Variants in KCNN2 observed in about 807,000 individuals in gnomAD.
The protein encoded by KCNN2 is potassium calcium-activated channel subfamily N member 2.
Under a neutral mutation model 55.5 loss-of-function variants are expected in KCNN2, and 24 were observed. The ratio of observed to expected loss-of-function variants is 0.43; its 90% confidence interval spans 0.31 to 0.61. The LOEUF (loss-of-function observed/expected upper bound fraction) is 0.61, where lower values mean the gene tolerates loss of function less well. KCNN2 is among the 20% of genes least tolerant of loss of function. The pLI is 0.08. For synonymous variants in KCNN2, 431 were observed against 336.1 expected (o/e 1.28, Z -3.09); for missense variants, 754 against 853.6 (o/e 0.88, Z 1.45).
At chr5:114,347,605 C>T (rs1046114589) in intron 2 of KCNN2, among the ~76,000 whole-genome samples, 1 of 152,134 alleles carries the variant, frequency 6.6e-6, no homozygotes, top group Non-Finnish European at 1.5e-5. Flanking sequence ...CATAATTTAT[C>T]TTTGGGAACA....
chr5:114,436,440 G>T (rs1760006787), intron 3 of KCNN2, among the ~76,000 whole-genome samples: 1 of 152,160 alleles, frequency 6.6e-6, no homozygotes, highest in East Asian at 1.9e-4. Context: ...AAATGCCTCA[G>T]ATTAAACAAT....
chr5:114,062,829 T>C (rs1166919867), intron 1 of KCNN2, among the ~76,000 whole-genome samples: 1 of 152,234 alleles, frequency 6.6e-6, no homozygotes, highest in Non-Finnish European at 1.5e-5. Context: ...AACCCTGTTT[T>C]TCTTTTAAGG....
At chr5:114,180,760 CA>C (rs951573354) in intron 1 of KCNN2, among the ~76,000 whole-genome samples, 1 of 152,112 alleles carries the variant, frequency 6.6e-6, no homozygotes, top group African/African-American at 2.4e-5. Flanking sequence ...GCCATCACTG[CA>C]AAAAGTTCCC....
At chr5:114,471,247 A>G (rs1030849541) in intron 4 of KCNN2, among the ~76,000 whole-genome samples, 1 of 152,184 alleles carries the variant, frequency 6.6e-6, no homozygotes, top group African/African-American at 2.4e-5. Flanking sequence ...CGGATGCTCA[A>G]GTCCTTTATA....
intron 2 of KCNN2, among the ~76,000 whole-genome samples, chr5:114,350,939 A>G (rs559408053): frequency 1.3e-3 from 204 of 151,786 alleles, no homozygotes; most frequent in African/African-American, 4.4e-3. Context: ...ATTCTTGGCT[A>G]TTTGCATTTC....
At chr5:114,112,625 T>G (rs190343951) in intron 1 of KCNN2, among the ~76,000 whole-genome samples, 1 of 152,178 alleles carries the variant, frequency 6.6e-6, no homozygotes, top group East Asian at 1.9e-4. Context: ...GTATATAAAC[T>G]GAATAAAGCA....
At chr5:114,237,256 TCACACACACACACA>T (rs10643853) in intron 2 of KCNN2, among the ~76,000 whole-genome samples, 6 of 138,510 alleles carry the variant, frequency 4.3e-5, no homozygotes, top group African/African-American at 1.3e-4. Flanking sequence ...TTGTCAAAAT[TCACACACACACACA>T]CACACACACA....
chr5:114,255,164 A>G (rs1204675722), intron 2 of KCNN2, among the ~76,000 whole-genome samples: 17 of 152,212 alleles, frequency 1.1e-4, no homozygotes. Flanking sequence ...ATGGGTATAC[A>G]AAGAGAAAAA....
intron 2 of KCNN2, among the ~76,000 whole-genome samples, chr5:114,317,579 G>C (rs1055734763): frequency 1.3e-5 from 2 of 152,132 alleles, no homozygotes; most frequent in African/African-American, 4.8e-5. Context: ...GGGACTTTCT[G>C]ATCCCATTCC....
intron 2 of KCNN2, among the ~76,000 whole-genome samples, chr5:114,303,707 A>G (rs918920724): frequency 3.9e-5 from 6 of 152,208 alleles, no homozygotes; most frequent in Non-Finnish European, 8.8e-5. Context: ...CTTAAGTTGC[A>G]ATGCAAATAG....
chr5:114,201,849 G>T, intron 1 of KCNN2, among the ~76,000 whole-genome samples: 1 of 152,056 alleles, frequency 6.6e-6, no homozygotes, highest in East Asian at 1.9e-4. Flanking sequence ...GTCCTTGGCT[G>T]TGTGACAGCT....
intron 2 of KCNN2, among the ~76,000 whole-genome samples, chr5:114,338,011 T>G (rs1359238700): frequency 6.6e-6 from 1 of 152,212 alleles, no homozygotes; most frequent in Admixed American, 6.5e-5. Context: ...TCATTTTTTG[T>G]CAAAAGCTTT....
At chr5:114,140,591 AT>A (rs1008292763) in intron 1 of KCNN2, among the ~76,000 whole-genome samples, 2 of 152,054 alleles carry the variant, frequency 1.3e-5, no homozygotes, top group African/African-American at 2.4e-5. Flanking sequence ...GAAGAGAAAA[AT>A]TTTTATACAA....
intron 4 of KCNN2, among the ~76,000 whole-genome samples, chr5:114,465,338 C>T (rs1467377611): frequency 1.3e-5 from 2 of 152,158 alleles, no homozygotes; most frequent in African/African-American, 4.8e-5. Context: ...TATGGCCTGG[C>T]ACTGTGTCCC....
chr5:114,079,343 C>A (rs2721318), intron 1 of KCNN2, among the ~76,000 whole-genome samples: 70,642 of 151,832 alleles, frequency 0.47, 16,639 homozygotes, highest in East Asian at 0.67. Flanking sequence ...TAGCATTATA[C>A]GTCATGAAAA....
intron 5 of KCNN2, among the ~76,000 whole-genome samples, chr5:114,480,128 C>G (rs1452426174): frequency 6.6e-6 from 1 of 151,364 alleles, no homozygotes; most frequent in Non-Finnish European, 1.5e-5. Context: ...ACTAGATAGA[C>G]AAAGAAGAAA....
At chr5:114,092,642 C>G (rs1174281011) in intron 1 of KCNN2, among the ~76,000 whole-genome samples, 1 of 152,226 alleles carries the variant, frequency 6.6e-6, no homozygotes, top group Non-Finnish European at 1.5e-5. Flanking sequence ...GCCTGGACAT[C>G]AGGCATTTCC....
chr5:114,337,815 A>G (rs1756947406), intron 2 of KCNN2, among the ~76,000 whole-genome samples: 1 of 152,170 alleles, frequency 6.6e-6, no homozygotes, highest in South Asian at 2.1e-4. Flanking sequence ...CGGTCCAACT[A>G]GTTTTGTCTT....
At chr5:114,492,522 T>G (rs1580932148) in intron 6 of KCNN2, among the ~76,000 whole-genome samples, 1 of 152,102 alleles carries the variant, frequency 6.6e-6, no homozygotes, top group African/African-American at 2.4e-5. Flanking sequence ...TCTTGGTACA[T>G]AGTAAACACT....
Sources: gnomAD v4.1 joint callset for allele counts (sites outside exome capture counted in the v4.1 genomes callset) on GRCh38, gnomAD v4.1.1 for gene constraint, MANE v1.5 for transcripts, NCBI Gene and HGNC (gene_info 2026-07-23, HGNC 2026-07-21) for gene names.